The following INCA1 variants were observed in gnomAD, a reference collection of about 807,000 sequenced individuals.
The protein encoded by INCA1 is protein INCA1.
In INCA1, 28 loss-of-function variants were observed where a neutral mutation model predicts 25.7. The ratio of observed to expected loss-of-function variants is 1.09; its 90% CI spans 0.81 to 1.49. INCA1 has a LOEUF of 1.49. Ranked by LOEUF, INCA1 falls within the 40% of genes most tolerant of loss-of-function variation. The pLI, the probability that INCA1 is intolerant of heterozygous loss-of-function variation, is 0.00. For missense variants in INCA1, 309 were observed against 290.9 expected, an observed-to-expected ratio of 1.06 and a Z score of -0.45; for synonymous variants, 111 against 103.6, an observed-to-expected ratio of 1.07 and a Z score of -0.43.
chr17:4,989,655 AAAG>A (rs765525335), intron 4 of INCA1, 31 bp from the exon 5 acceptor site: 13 of 1,608,392 alleles, frequency 8.1e-6, no homozygotes, highest in African/African-American at 2.7e-5. Flanking sequence ...AAAGAGCTAG[AAAG>A]AAGAACTGGC....
At chr17:4,988,817 G>T in exon 6 of INCA1, 1 of 1,614,204 alleles carries the variant, frequency 6.2e-7, no homozygotes, top group Non-Finnish European at 8.5e-7. Context: ...TCCTCTTCCT[G>T]TGGATAGGTT....
chr17:4,989,315 C>G, intron 5 of INCA1, 113 bp downstream of exon 5: 1 of 1,020,222 alleles, frequency 9.8e-7, no homozygotes, highest in Non-Finnish European at 1.5e-6. Flanking sequence ...GCAACCTCCC[C>G]TCAAAGCTCC....
intron 1 of INCA1, 45 bp from the exon 2 acceptor site, chr17:4,994,520 G>A (rs2143241015): frequency 9.5e-6 from 14 of 1,473,946 alleles, no homozygotes; most frequent in Non-Finnish European, 1.3e-5. Flanking sequence ...GGCTGGATGT[G>A]GTGGCTCACG....
At position 4,989,937 on chromosome 17, in the gene INCA1, G is replaced by A. The variant is rs372753179; in HGVS notation, c.159-8C>T. ...TCCTCCAGCCAAGTGGGGCTGTGAA[G>A]AACAAAAAGGGGGCTATAAGTGCAG... On this transcript the variant is annotated splice_polypyrimidine_tract_variant and splice_region_variant and intron_variant, in intron 3 of 6. Coordinates refer to ENST00000576820, the Ensembl canonical transcript of INCA1. 9.9e-5 allele frequency: 159 copies of A among 1,613,496 alleles called. No homozygotes were observed. The Middle Eastern group carries it at 1.3e-3, about 13-fold the overall frequency.
At chr17:4,996,846 G>A in intron 1 of INCA1, 1 of 153,070 alleles carries the variant, frequency 6.5e-6, no homozygotes, top group Non-Finnish European at 1.5e-5. Context: ...TATACCGTGC[G>A]GAAGCGGCAG....
chr17:4,996,229 C>T (rs971246896), intron 1 of INCA1, among the ~76,000 whole-genome samples: 1 of 149,952 alleles, frequency 6.7e-6, no homozygotes, highest in African/African-American at 2.5e-5. Flanking sequence ...TACCAAAATA[C>T]GAAAAAGTTT....
At chr17:4,988,609 G>C (rs999831126) in intron 6 of INCA1, 55 bp from the exon 7 acceptor site, 3 of 1,598,512 alleles carry the variant, frequency 1.9e-6, no homozygotes, top group Non-Finnish European at 1.7e-6. Context: ...CTTCTTTCCA[G>C]ATTTCCTAGT....
intron 2 of INCA1, among the ~76,000 whole-genome samples, chr17:4,992,682 T>C (rs1973955013): frequency 6.8e-6 from 1 of 147,048 alleles, no homozygotes; most frequent in African/African-American, 2.5e-5. Flanking sequence ...TCCATTCTCT[T>C]TCTTTCTCTC....
intron 2 of INCA1, among the ~76,000 whole-genome samples, chr17:4,992,755 G>A (rs544919066): frequency 2.1e-4 from 30 of 140,628 alleles, no homozygotes; most frequent in African/African-American, 8.0e-4. Flanking sequence ...TGTTGCCCAG[G>A]CTGGAGTGCA....
intron 2 of INCA1, among the ~76,000 whole-genome samples, chr17:4,991,634 G>A (rs1973882346): frequency 6.6e-6 from 1 of 152,114 alleles, no homozygotes; most frequent in Admixed American, 6.6e-5. Flanking sequence ...CTTCTTAGGT[G>A]ATCTCACCCA....
intron 5 of INCA1, 127 bp from the exon 6 acceptor site, chr17:4,989,071 C>T (rs1392065345): frequency 6.7e-6 from 7 of 1,044,058 alleles, no homozygotes; most frequent in Non-Finnish European, 9.4e-6. Flanking sequence ...GACCTTTAAC[C>T]CTCCACTCCC....
chr17:4,991,012 G>A (rs889905515), intron 2 of INCA1, among the ~76,000 whole-genome samples: 8 of 151,382 alleles, frequency 5.3e-5, no homozygotes, highest in Middle Eastern at 3.4e-3. Context: ...TCCACCTCCC[G>A]GGTTCAAGTG....
At chr17:4,994,347 T>G in intron 2 of INCA1, 47 bp downstream of exon 2, 12 of 1,567,296 alleles carry the variant, frequency 7.7e-6, no homozygotes, top group Non-Finnish European at 1.1e-5. Context: ...GCATGCAATA[T>G]CCCCTCCATC....
rs746094979 is a variant in INCA1, at chr17:4,989,582, G to A, written c.241C>T (p.Gln81Ter). The change falls in exon 5 of 7, where the codon CAG (glutamine) becomes TAG (stop). Residue 81 changes from glutamine (Q) to a stop codon, truncating the protein, a stop_gained. Transcript: ENST00000576820. LOFTEE classifies it high-confidence loss of function. ...CAAAGCATTTCAGGGGGTGGGAGCT[G>A]CTCAGGAGGATACAGACCAAGCTGG... is the stretch of plus-strand genomic sequence containing the variant. The A allele has an allele frequency of 6.2e-7, 1 of 1,614,238 alleles. No homozygotes were observed. Among genetic ancestry groups the A allele is most frequent in the Admixed American group, 1.7e-5 (1 of 60,022 alleles).
chr17:4,988,393 G>C lies in INCA1; in HGVS notation c.*12C>G, dbSNP rs768644191. 3.8e-6 allele frequency: 6 copies of C among 1,584,052 alleles called. No individual in the cohort carries two copies. The East Asian group carries it at 9.0e-5, about 24-fold the overall frequency. ...GGGGCACCACTAGCCTCTCGGCATC[G>C]GTGGTTTCTCCTTACTCTTCAGACG... On this transcript the variant is annotated 3_prime_UTR_variant, in exon 7 of 7. Coordinates refer to ENST00000576820, the Ensembl canonical transcript of INCA1.
exon 7 of INCA1, chr17:4,988,532 G>A (rs1409040159): frequency 6.2e-7 from 1 of 1,610,778 alleles, no homozygotes; most frequent in Non-Finnish European, 8.5e-7. Context: ...CTGATCCAGG[G>A]GGCTCCAGGG....
At chr17:4,996,532 A>C (rs1332163737) in intron 1 of INCA1, among the ~76,000 whole-genome samples, 1 of 151,562 alleles carries the variant, frequency 6.6e-6, no homozygotes. Context: ...AAATACAAAA[A>C]TTAGCCGGGT....
At chr17:4,994,431 C>A (rs777514061) in exon 2 of INCA1, 1 of 1,613,598 alleles carries the variant, frequency 6.2e-7, no homozygotes, top group Admixed American at 1.7e-5. Flanking sequence ...TCATCCTGCA[C>A]CTGCATGACT....
exon 1 of INCA1, chr17:4,997,014 G>A (rs528092860): frequency 6.5e-6 from 1 of 153,072 alleles, no homozygotes; most frequent in East Asian, 1.9e-4. Context: ...TAGATCCAAG[G>A]GCAGGATGGA....
Sources: gnomAD v4.1 joint callset for allele counts (sites outside exome capture counted in the v4.1 genomes callset) on GRCh38, gnomAD v4.1.1 for gene constraint, MANE v1.5 for transcripts, NCBI Gene and HGNC (gene_info 2026-07-23, HGNC 2026-07-21) for gene names.